FAM193A: variants seen among roughly 807,000 people sequenced by gnomAD.
FAM193A encodes protein FAM193A.
Under a neutral mutation model 126.5 loss-of-function variants are expected in FAM193A, and 22 were observed. The ratio of observed to expected loss-of-function variants is 0.17; its 90% CI spans 0.12 to 0.25. FAM193A has a LOEUF of 0.25. FAM193A is among the 10% of genes least tolerant of loss of function. FAM193A has a pLI of 1.00. For synonymous variants in FAM193A, 761 were observed against 646.8 expected, an observed-to-expected ratio of 1.18 and a Z score of -2.68; for missense variants, 1,675 against 1,672.8, an observed-to-expected ratio of 1.00 and a Z score of -0.02.
chr4:2,557,227 T>C (rs560773391), intron 1 of FAM193A, among the ~76,000 whole-genome samples: 1 of 152,182 alleles, frequency 6.6e-6, no homozygotes, highest in Non-Finnish European at 1.5e-5. Context: ...GAATATCTTA[T>C]TATACTGTGC....
intron 13 of FAM193A, among the ~76,000 whole-genome samples, chr4:2,677,293 T>A (rs1340722986): frequency 1.3e-5 from 2 of 152,224 alleles, no homozygotes; most frequent in African/African-American, 4.8e-5. Context: ...TTCTGTTCTG[T>A]TCCATTGGTC....
At chr4:2,709,607 G>T (rs981994049) in intron 19 of FAM193A, among the ~76,000 whole-genome samples, 1 of 152,176 alleles carries the variant, frequency 6.6e-6, no homozygotes, top group Admixed American at 6.5e-5. Context: ...TACTCAAGAG[G>T]CTGAGGCAGG....
intron 5 of FAM193A, among the ~76,000 whole-genome samples, chr4:2,638,297 C>G (rs970485948): frequency 1.3e-5 from 2 of 152,238 alleles, no homozygotes; most frequent in Non-Finnish European, 2.9e-5. Context: ...TCTTCGTGTC[C>G]TCGTACCTGG....
intron 13 of FAM193A, among the ~76,000 whole-genome samples, chr4:2,682,446 A>G (rs1715262726): frequency 6.6e-6 from 1 of 152,172 alleles, no homozygotes; most frequent in Admixed American, 6.5e-5. Context: ...CTATAGGCAC[A>G]TGCCACCATG....
At chr4:2,654,220 A>C (rs529065727) in intron 7 of FAM193A, among the ~76,000 whole-genome samples, 2 of 151,998 alleles carry the variant, frequency 1.3e-5, no homozygotes, top group Admixed American at 6.6e-5. Context: ...GAGAGTTGGT[A>C]GGTTTTGTTT....
intron 20 of FAM193A, among the ~76,000 whole-genome samples, chr4:2,718,400 T>G (rs1719769416): frequency 6.6e-6 from 1 of 150,744 alleles, no homozygotes; most frequent in Admixed American, 6.7e-5. Context: ...TATCTGTTTT[T>G]GTGTGTGTTT....
intron 18 of FAM193A, 36 bp from the exon 19 acceptor site, chr4:2,699,644 C>T (rs765719681): frequency 1.3e-5 from 20 of 1,561,594 alleles, no homozygotes; most frequent in Non-Finnish European, 1.7e-5. Flanking sequence ...TTAGCACTCA[C>T]TGTAGTCTTA....
At chr4:2,673,697 T>A (rs1714079304) in intron 13 of FAM193A, among the ~76,000 whole-genome samples, 2 of 152,348 alleles carry the variant, frequency 1.3e-5, no homozygotes, top group South Asian at 4.1e-4. Context: ...CACTCCCTGC[T>A]GTAGCCTGAA....
At chr4:2,554,165 A>G (rs1477979092) in intron 1 of FAM193A, among the ~76,000 whole-genome samples, 1 of 151,912 alleles carries the variant, frequency 6.6e-6, no homozygotes, top group Admixed American at 6.6e-5. Context: ...GCTCACTGCA[A>G]CCTCTGCCTC....
intron 19 of FAM193A, among the ~76,000 whole-genome samples, chr4:2,701,349 C>T (rs1332696067): frequency 6.7e-6 from 1 of 150,144 alleles, no homozygotes; most frequent in Non-Finnish European, 1.5e-5. Flanking sequence ...GATCCCATGT[C>T]GTATCTCTTT....
chr4:2,536,108 C>T (rs1309434969), upstream of FAM193A, among the ~76,000 whole-genome samples: 3 of 151,858 alleles, frequency 2.0e-5, no homozygotes, highest in African/African-American at 7.2e-5. Flanking sequence ...GCCCCTGGTG[C>T]ATCCCGGGAG....
intron 2 of FAM193A, chr4:2,615,031 ATTTTG>A (rs1371842324): frequency 1.3e-5 from 2 of 152,060 alleles, no homozygotes; most frequent in African/African-American, 4.8e-5. Context: ...AAAGAACCAC[ATTTTG>A]TTTTAATTGC....
At chr4:2,586,419 A>C (rs1358333126) in intron 1 of FAM193A, among the ~76,000 whole-genome samples, 1 of 151,854 alleles carries the variant, frequency 6.6e-6, no homozygotes, top group African/African-American at 2.4e-5. Context: ...GGTGTGAGAT[A>C]GGGGCCCAGT....
chr4:2,605,623 G>A lies in FAM193A; in HGVS notation c.501+9294G>A, dbSNP rs551831339. ...GGTTTATATACTTGACTGATTCCAT[G>A]TTAAGATCAGTAGCATGTTTTTAAA... On this transcript the variant is annotated intron_variant, in intron 2 of 20. Coordinates refer to ENST00000637812, the MANE Select transcript of FAM193A (RefSeq NM_001366318.2). Among the ~76,000 whole-genome samples, 12 of 152,278 alleles carry A rather than the reference G, an allele frequency of 7.9e-5. No homozygotes were observed. The South Asian group carries it at 2.3e-3, about 29-fold the overall frequency.
chr4:2,719,950 TG>T, intron 20 of FAM193A: 2 of 310,658 alleles, frequency 6.4e-6, no homozygotes, highest in Non-Finnish European at 1.3e-5. Flanking sequence ...GCACCATGCC[TG>T]GCTAATTTTT....
At chr4:2,578,375 T>C (rs567213052) in intron 1 of FAM193A, among the ~76,000 whole-genome samples, 3 of 152,304 alleles carry the variant, frequency 2.0e-5, no homozygotes, top group African/African-American at 7.2e-5. Context: ...GACTAATGAT[T>C]ACTGTGCACT....
At chr4:2,725,382 C>T (rs1247245911) in intron 20 of FAM193A, among the ~76,000 whole-genome samples, 1 of 136,304 alleles carries the variant, frequency 7.3e-6, no homozygotes, top group African/African-American at 2.9e-5. Flanking sequence ...CCCAGGAGGT[C>T]GAGGTTGCAG....
chr4:2,613,738 G>C (rs1019578511), intron 2 of FAM193A, among the ~76,000 whole-genome samples: 1 of 149,596 alleles, frequency 6.7e-6, no homozygotes, highest in African/African-American at 2.5e-5. Flanking sequence ...ACAGGCATGA[G>C]CCACCATACC....
chr4:2,673,423 C>T (rs545674498), intron 13 of FAM193A, among the ~76,000 whole-genome samples: 1 of 152,114 alleles, frequency 6.6e-6, no homozygotes, highest in East Asian at 1.9e-4. Flanking sequence ...TAGGGAGAGG[C>T]GTAGGTGGAA....
Sources: allele counts gnomAD v4.1 joint callset (sites outside exome capture counted in the v4.1 genomes callset), GRCh38; gene constraint gnomAD v4.1.1; transcripts MANE v1.5; gene names NCBI Gene and HGNC (gene_info 2026-07-23, HGNC 2026-07-21).